MYO16: variants seen among roughly 807,000 people sequenced by gnomAD.
The protein encoded by MYO16 is myosin XVI.
A neutral mutation model predicts 205.3 loss-of-function variants in MYO16; 94 were observed. That is an observed-to-expected ratio of 0.46 (90% CI 0.39 to 0.54). The LOEUF (loss-of-function observed/expected upper bound fraction) is 0.54, where lower values mean the gene tolerates loss of function less well. MYO16 is among the 20% of genes least tolerant of loss of function. The probability of loss-of-function intolerance (pLI) is 0.00; values close to 1 mark genes in which losing one functional copy is unlikely to be tolerated. For synonymous variants in MYO16, 988 were observed against 954.0 expected (o/e 1.04, Z -0.66); for missense variants, 2,315 against 2,387.5 (o/e 0.97, Z 0.63).
At position 109,100,810 on chromosome 13, in the gene MYO16, C is replaced by T. The variant is rs767114310; in HGVS notation, c.3361C>T (p.Leu1121=). The T allele has an allele frequency of 1.2e-6, 2 of 1,613,616 alleles. No homozygotes were observed. Among genetic ancestry groups the T allele is most frequent in the Non-Finnish European group, 1.7e-6 (2 of 1,179,616 alleles). ...SRYKPLADTF[L]REKKEQSAAE... ...GTATAAGCCACTGGCTGATACATTC[C>T]TGCGTGAGAAGAAGGAACAGTCAGC... The change falls in exon 28 of 35, where the codon CTG becomes TTG. Residue 1121 remains leucine, a synonymous_variant. Coordinates refer to ENST00000457511, the MANE Select transcript of MYO16 (RefSeq NM_001198950.3).
At chr13:109,070,957 C>A (rs1887905185) in intron 27 of MYO16, among the ~76,000 whole-genome samples, 1 of 152,124 alleles carries the variant, frequency 6.6e-6, no homozygotes, top group African/African-American at 2.4e-5. Flanking sequence ...AGTATTTCCA[C>A]AGAATACTCA....
At chr13:109,012,368 T>C (rs1179223175) in intron 22 of MYO16, among the ~76,000 whole-genome samples, 1 of 152,120 alleles carries the variant, frequency 6.6e-6, no homozygotes, top group Non-Finnish European at 1.5e-5. Context: ...CCGCCTGAGC[T>C]CCAGCTCCTG....
At chr13:108,917,020 GAA>G (rs1566410023) in intron 16 of MYO16, among the ~76,000 whole-genome samples, 7 of 90 alleles carry the variant, frequency 0.078, no homozygotes, top group Non-Finnish European at 0.15. Context: ...TTTGCCCCAG[GAA>G]TGTGAGATGC....
intron 16 of MYO16, among the ~76,000 whole-genome samples, chr13:108,933,783 C>T (rs1422048184): frequency 6.6e-6 from 1 of 152,070 alleles, no homozygotes; most frequent in Non-Finnish European, 1.5e-5. Context: ...TCCCTAGTGT[C>T]TACCATTGCC....
chr13:109,023,670 A>AACATATGTATATATACATATATATGT (rs1886221827), intron 23 of MYO16, among the ~76,000 whole-genome samples: 1 of 64,874 alleles, frequency 1.5e-5, no homozygotes, highest in East Asian at 7.0e-4. Context: ...TATATATGCA[A>AACATATGTATATATACATATATATGT]ATATATGTAT....
Position 109,140,147 on chromosome 13 carries a change from G to T in MYO16, c.4052-117G>T. The T allele has an allele frequency of 6.7e-7, 1 of 1,484,656 alleles. No individual in the cohort carries two copies. Among genetic ancestry groups the T allele is most frequent in the Non-Finnish European group, 8.9e-7 (1 of 1,127,964 alleles). The allele number at this position is 1,484,656 out of a possible 1,614,324, so 92.0% of individuals were successfully genotyped here. On this transcript the variant is annotated intron_variant, in intron 31 of 34. Transcript: ENST00000457511. This position sits in a 1 kb window ranked among gnomAD's most constrained non-coding sequence, Gnocchi z 8.0. The stretch of plus-strand genomic sequence containing the variant: ...AGTGGGTGGAGGAACATGCAGGCCC[G>T]GTCCCTTGGGATTCTCGGGGCACGG...
At chr13:108,654,433 G>T (rs186553317) in intron 1 of MYO16, among the ~76,000 whole-genome samples, 1 of 152,228 alleles carries the variant, frequency 6.6e-6, no homozygotes, top group Admixed American at 6.5e-5. Flanking sequence ...TTTGCCTTCC[G>T]CCATGATTCT....
At chr13:109,041,232 T>C (rs902830322) in intron 23 of MYO16, among the ~76,000 whole-genome samples, 1 of 152,214 alleles carries the variant, frequency 6.6e-6, no homozygotes. Context: ...AGACATTTCA[T>C]GTTTATAGAT....
In MYO16 at chr13:108,883,637, C is replaced by CT. The variant is rs201912016; in HGVS notation, c.1553+466dup. On this transcript the variant is annotated intron_variant, in intron 13 of 34. Coordinates refer to ENST00000457511, the MANE Select transcript of MYO16 (RefSeq NM_001198950.3). The stretch of plus-strand genomic sequence containing the variant: ...AATTCACTGTACTCTACTTCCTAAA[C>CT]TTTTTTTTTTTTTTTGAGACAGGGT... 8.0e-3 allele frequency among the ~76,000 whole-genome samples: 1,141 copies of CT among 142,476 alleles called. 6 individuals carry two copies. Among genetic ancestry groups the CT allele is most frequent in the African/African-American group, 0.016 (641 of 38,866 alleles). 93.5% of individuals were successfully genotyped at this position (142,476 alleles called of 152,430 possible). A position where few individuals can be genotyped will look rare whatever the true frequency, so the allele number is the denominator to read the frequency against.
At chr13:109,094,476 G>T (rs534369317) in intron 27 of MYO16, among the ~76,000 whole-genome samples, 1 of 152,304 alleles carries the variant, frequency 6.6e-6, no homozygotes, top group South Asian at 2.1e-4. Flanking sequence ...CTCCCAAGTT[G>T]CTAGGACAAC....
At chr13:108,818,791 G>A (rs1214103137) in intron 7 of MYO16, among the ~76,000 whole-genome samples, 1 of 152,102 alleles carries the variant, frequency 6.6e-6, no homozygotes, top group African/African-American at 2.4e-5. Flanking sequence ...GGAAACTTAG[G>A]CAAAACTGGC....
At chr13:108,530,922 G>A in the MYO16 span, among the ~76,000 whole-genome samples, 64 of 151,652 alleles carry the variant, frequency 4.2e-4, no homozygotes, top group Non-Finnish European at 8.0e-4. Flanking sequence ...TTTTTCTTGC[G>A]TTTGTTTATG....
At chr13:108,958,381 C>A (rs907524774) in intron 17 of MYO16, among the ~76,000 whole-genome samples, 1 of 151,636 alleles carries the variant, frequency 6.6e-6, no homozygotes, top group African/African-American at 2.4e-5. Flanking sequence ...ACATAATCAC[C>A]TTGTTAAAAC....
chr13:108,669,769 T>C (rs1003683172), intron 2 of MYO16, among the ~76,000 whole-genome samples: 1 of 152,180 alleles, frequency 6.6e-6, no homozygotes, highest in African/African-American at 2.4e-5. Flanking sequence ...TCATGTCCTT[T>C]GCAGGGACAT....
intron 34 of MYO16, among the ~76,000 whole-genome samples, chr13:109,188,196 C>G (rs1027523173): frequency 3.9e-5 from 6 of 151,980 alleles, no homozygotes; most frequent in Admixed American, 3.9e-4. Flanking sequence ...ATTTTTTCAT[C>G]CTTTACTTTT....
chr13:108,746,079 GC>G (rs1885053425), intron 4 of MYO16, among the ~76,000 whole-genome samples: 1 of 152,012 alleles, frequency 6.6e-6, no homozygotes, highest in African/African-American at 2.4e-5. Flanking sequence ...TGTAGTCCCA[GC>G]TACTCGGGAG....
intron 8 of MYO16, 114 bp from the exon 9 acceptor site, chr13:108,823,011 C>A: frequency 2.0e-6 from 2 of 1,006,144 alleles, no homozygotes; most frequent in Non-Finnish European, 1.4e-6. Flanking sequence ...TGTTTTGATT[C>A]ATACATTGAT....
At chr13:109,011,549 C>T (rs1260076816) in intron 22 of MYO16, among the ~76,000 whole-genome samples, 16 of 139,884 alleles carry the variant, frequency 1.1e-4, no homozygotes, top group African/African-American at 4.0e-4. Context: ...GAGTCTCGCT[C>T]TGTCACCCAG....
chr13:108,611,958 C>CTTTTTTTTTTTTCTTTTTT (rs1879185596), intron 1 of MYO16, among the ~76,000 whole-genome samples: 1 of 101,922 alleles, frequency 9.8e-6, no homozygotes, highest in Admixed American at 9.8e-5. Context: ...AGGTAATATT[C>CTTTTTTTTTTTTCTTTTTT]TTTTTTTTTT....
Sources: allele counts gnomAD v4.1 joint callset (sites outside exome capture counted in the v4.1 genomes callset), GRCh38; gene constraint gnomAD v4.1.1; non-coding constraint Gnocchi (gnomAD v3.1); transcripts MANE v1.5; gene names NCBI Gene and HGNC (gene_info 2026-07-23, HGNC 2026-07-21).